AK7: variants seen among roughly 807,000 people sequenced by gnomAD.
AK7 encodes ATP-AMP transphosphorylase 7.
In AK7, 78 loss-of-function variants were observed where a neutral mutation model predicts 96.6. The observed-to-expected ratio is 0.81, with a 90% CI of 0.67 to 0.97. The LOEUF (loss-of-function observed/expected upper bound fraction) is 0.97. Ranked by LOEUF, AK7 falls within the 50% of genes least tolerant of loss-of-function variation. The probability of loss-of-function intolerance (pLI) is 0.00; values close to 1 mark genes in which losing one functional copy is unlikely to be tolerated. For missense variants in AK7, 855 were observed against 887.9 expected, an observed-to-expected ratio of 0.96 and a Z score of 0.47; for synonymous variants, 302 against 317.2, an observed-to-expected ratio of 0.95 and a Z score of 0.51.
intron 6 of AK7, among the ~76,000 whole-genome samples, chr14:96,441,010 T>TA (rs1366035852): frequency 6.6e-6 from 1 of 151,282 alleles, no homozygotes; most frequent in Non-Finnish European, 1.5e-5. Context: ...AAAAAATAAA[T>TA]AAAAGGTGTG....
intron 17 of AK7, among the ~76,000 whole-genome samples, chr14:96,487,383 CA>C (rs150742803): frequency 0.31 from 14,322 of 46,310 alleles, 321 homozygotes; most frequent in East Asian, 0.48. Flanking sequence ...GACTCCGTCT[CA>C]AAAAAAAAAA....
rs114628002 is a variant in AK7 at position 96,478,506 on chromosome 14, G to A, written c.1597G>A (p.Glu533Lys). 371 of 1,614,170 alleles carry A rather than the reference G, an allele frequency of 2.3e-4. 5 individuals carry two copies. In the East Asian group the frequency reaches 6.6e-3, roughly 29 times the overall value. Reference sequence around the variant, plus strand: ...GGATGCTTCGGATGAGTTTCTGAAGGAGCGTGTGATAAACCTTCCTGAGAG... The same window carrying A: ...GGATGCTTCGGATGAGTTTCTGAAGAAGCGTGTGATAAACCTTCCTGAGAG... ...ALDASDEFLK[E>K]RVINLPESIV... Residue 533 changes from glutamate (E) to lysine (K), a missense_variant, in exon 15 of 18, where the codon GAG becomes AAG. Physicochemically the swap from Glu to Lys is moderately conservative, Grantham distance 56. Transcript: ENST00000267584.
At chr14:96,401,716 C>T (rs1348547112) in intron 2 of AK7, among the ~76,000 whole-genome samples, 1 of 152,112 alleles carries the variant, frequency 6.6e-6, no homozygotes, top group Non-Finnish European at 1.5e-5. Context: ...GAATGGAAAC[C>T]GTTAGCCTGG....
At chr14:96,464,544 C>CCA (rs1555384727) in intron 12 of AK7, among the ~76,000 whole-genome samples, 5 of 57,670 alleles carry the variant, frequency 8.7e-5, no homozygotes, top group African/African-American at 3.0e-4. Flanking sequence ...GACCCTGTCC[C>CCA]AAAAAAAAAA....
At chr14:96,465,911 G>A (rs974041874) in intron 12 of AK7, among the ~76,000 whole-genome samples, 1 of 151,038 alleles carries the variant, frequency 6.6e-6, no homozygotes, top group African/African-American at 2.4e-5. Flanking sequence ...TCGGGGGACT[G>A]AGGCAGGAGA....
In AK7 at chr14:96,442,779, C is replaced by G; in HGVS notation, c.740C>G (p.Thr247Arg). 1 of 1,614,198 alleles carries G rather than the reference C, an allele frequency of 6.2e-7. No individual in the cohort carries two copies. Among genetic ancestry groups the G allele is most frequent in the Non-Finnish European group, 8.5e-7 (1 of 1,180,012 alleles). ...GCATTACCAGTTTTTGGCGATGGAA[C>G]AAATGTAATTCCAACAATCCATGTT... ...IPALPVFGDG[T>R]NVIPTIHVLD... is the part of the protein sequence containing the mutation. Residue 247 changes from threonine to arginine, a missense_variant, in exon 7 of 18, where the codon ACA becomes AGA. Physicochemically the swap from Thr to Arg is moderately conservative, Grantham distance 71. Transcript: ENST00000267584.
At chr14:96,456,553 C>A (rs188878588) in intron 11 of AK7, 78 bp downstream of exon 11, 1 of 1,507,976 alleles carries the variant, frequency 6.6e-7, no homozygotes, top group Non-Finnish European at 9.0e-7. Flanking sequence ...GTATATGATT[C>A]GAATTAGCCA....
intron 8 of AK7, among the ~76,000 whole-genome samples, chr14:96,448,630 TAAAAAAAAAAAAAAA>T (rs71103528): frequency 0.51 from 38,978 of 76,154 alleles, 7,565 homozygotes; most frequent in African/African-American, 0.61. Context: ...ACCCTATCTC[TAAAAAAAAAAAAAAA>T]AAAAAAAAAA....
At chr14:96,441,659 A>AG (rs1485167535) in intron 6 of AK7, among the ~76,000 whole-genome samples, 20 of 151,570 alleles carry the variant, frequency 1.3e-4, no homozygotes, top group Admixed American at 1.1e-3. Context: ...AAAAAAAAAA[A>AG]AAAGAAAACA....
rs199617242 is a variant in AK7, at chr14:96,404,863, C to T, written c.401C>T (p.Ser134Phe). ...QQMEEAIWAVSALSEEVSHFE... is the reference protein window; with the variant it reads ...QQMEEAIWAVFALSEEVSHFE... ...ATGGAGGAAGCCATCTGGGCAGTCT[C>T]TGGTCAGTGAGGTGTACTCTTTTAT... Residue 134 changes from serine to phenylalanine, a missense_variant and splice_region_variant, in exon 3 of 18, where the codon TCT becomes TTT. Transcript: ENST00000267584. 6.2e-7 allele frequency: 1 copy of T among 1,604,508 alleles called. No homozygotes were observed. The highest frequency in any genetic ancestry group is 1.3e-5 in the African/African-American group (1 of 74,900).
chr14:96,455,097 G>C (rs764670334), intron 10 of AK7, among the ~76,000 whole-genome samples: 66 of 152,206 alleles, frequency 4.3e-4, no homozygotes, highest in Non-Finnish European at 8.1e-4. Flanking sequence ...AACCCAGGAG[G>C]CAGAGGTTGC....
At chr14:96,465,003 G>A (rs1894477814) in intron 12 of AK7, among the ~76,000 whole-genome samples, 1 of 152,118 alleles carries the variant, frequency 6.6e-6, no homozygotes, top group African/African-American at 2.4e-5. Flanking sequence ...CACTTAGTAT[G>A]GATCCAACTG....
chr14:96,413,248 G>A (rs762702167), intron 4 of AK7, among the ~76,000 whole-genome samples: 27 of 152,142 alleles, frequency 1.8e-4, no homozygotes, highest in Admixed American at 1.3e-3. Flanking sequence ...GGCGAGCATC[G>A]CAAAAGTGAT....
At chr14:96,456,175 T>C (rs1231357859) in intron 10 of AK7, among the ~76,000 whole-genome samples, 172 bp from the exon 11 acceptor site, 1 of 140,784 alleles carries the variant, frequency 7.1e-6, no homozygotes, top group African/African-American at 2.7e-5. Context: ...GAGGTGGAGG[T>C]TGCAGTAAGC....
intron 10 of AK7, among the ~76,000 whole-genome samples, chr14:96,455,964 CGTG>C (rs983993262): frequency 6.6e-6 from 1 of 151,942 alleles, no homozygotes; most frequent in African/African-American, 2.4e-5. Context: ...CCCAGCCAGA[CGTG>C]GTGGCTCACA....
chr14:96,439,065 G>A (rs111451891), intron 6 of AK7, among the ~76,000 whole-genome samples: 2 of 152,172 alleles, frequency 1.3e-5, no homozygotes, highest in African/African-American at 4.8e-5. Context: ...AGTTCAGGAA[G>A]TTTGAGATAA....
chr14:96,467,502 A>T (rs1894636605), intron 12 of AK7, among the ~76,000 whole-genome samples: 1 of 151,858 alleles, frequency 6.6e-6, no homozygotes, highest in African/African-American at 2.4e-5. Context: ...CACCCGGCTA[A>T]TTTTTTTGTA....
At chr14:96,398,842 C>T (rs1890239213) in intron 2 of AK7, 1 of 155,540 alleles carries the variant, frequency 6.4e-6, no homozygotes, top group African/African-American at 2.4e-5. Flanking sequence ...CAGTCCTAGT[C>T]CTGAGACATT....
intron 5 of AK7, among the ~76,000 whole-genome samples, chr14:96,428,363 T>C (rs998482620): frequency 2.2e-4 from 33 of 152,342 alleles, no homozygotes; most frequent in African/African-American, 7.9e-4. Flanking sequence ...CAGTTTATCA[T>C]TGATGGACAT....
Sources: gnomAD v4.1 joint callset for allele counts (sites outside exome capture counted in the v4.1 genomes callset) on GRCh38, gnomAD v4.1.1 for gene constraint, MANE v1.5 for transcripts, NCBI Gene and HGNC (gene_info 2026-07-23, HGNC 2026-07-21) for gene names.